Variants in ERBB4 observed in about 807,000 individuals in gnomAD.
The protein encoded by ERBB4 is receptor tyrosine-protein kinase erbB-4.
ERBB4 carries 42 observed loss-of-function variants against 158.0 expected under a neutral mutation model. The ratio of observed to expected loss-of-function variants is 0.27; its 90% CI spans 0.21 to 0.34. The LOEUF (loss-of-function observed/expected upper bound fraction) is 0.34, where lower values mean the gene tolerates loss of function less well. Ranked by LOEUF, ERBB4 falls within the 10% of genes least tolerant of loss-of-function variation. ERBB4 has a pLI of 1.00. For missense variants in ERBB4, 1,333 were observed against 1,624.1 expected, an observed-to-expected ratio of 0.82 and a Z score of 3.08; for synonymous variants, 583 against 558.7, an observed-to-expected ratio of 1.04 and a Z score of -0.61.
At chr2:211,784,095 A>C (rs2076100121) in intron 4 of ERBB4, among the ~76,000 whole-genome samples, 1 of 152,062 alleles carries the variant, frequency 6.6e-6, no homozygotes, top group African/African-American at 2.4e-5. Flanking sequence ...TTTATTCATA[A>C]TTACAGTTAA....
intron 20 of ERBB4, among the ~76,000 whole-genome samples, chr2:211,473,320 C>A (rs2064876734): frequency 1.3e-5 from 2 of 151,946 alleles, no homozygotes; most frequent in African/African-American, 2.4e-5. Flanking sequence ...AGAGTAGGTC[C>A]CTGCCAACAC....
At chr2:212,306,718 T>TC (rs974016534) in intron 1 of ERBB4, among the ~76,000 whole-genome samples, 6 of 149,914 alleles carry the variant, frequency 4.0e-5, no homozygotes, top group Non-Finnish European at 8.9e-5. Context: ...TGCCACTTAT[T>TC]TTTTTTTACT....
At chr2:212,282,548 T>C (rs2085799071) in intron 1 of ERBB4, among the ~76,000 whole-genome samples, 1 of 151,946 alleles carries the variant, frequency 6.6e-6, no homozygotes, top group African/African-American at 2.4e-5. Flanking sequence ...TTCATAAACA[T>C]TTCAAGGCCA....
intron 1 of ERBB4, among the ~76,000 whole-genome samples, chr2:212,153,623 A>C (rs572359484): frequency 6.6e-6 from 1 of 152,296 alleles, no homozygotes; most frequent in East Asian, 1.9e-4. Flanking sequence ...TTATTACAAA[A>C]GTAATTGCGT....
chr2:212,382,193 C>A (rs559163347), intron 1 of ERBB4, among the ~76,000 whole-genome samples: 134 of 147,270 alleles, frequency 9.1e-4, no homozygotes, highest in African/African-American at 2.9e-3. Flanking sequence ...CATATAAACA[C>A]ATATAAATAT....
At chr2:212,351,634 T>TA (rs908645703) in intron 1 of ERBB4, among the ~76,000 whole-genome samples, 2 of 152,146 alleles carry the variant, frequency 1.3e-5, no homozygotes, top group African/African-American at 4.8e-5. Flanking sequence ...TTAAATAAAA[T>TA]AAAAAAATCA....
chr2:211,943,379 A>C (rs1048042239), intron 3 of ERBB4, among the ~76,000 whole-genome samples: 14 of 152,126 alleles, frequency 9.2e-5, no homozygotes, highest in Non-Finnish European at 1.9e-4. Context: ...CATCCTCATC[A>C]AGAGTGATTA....
chr2:211,399,702 A>G lies in ERBB4; in HGVS notation c.3136-11710T>C, dbSNP rs74847423. On this transcript the variant is annotated intron_variant, in intron 25 of 27. Transcript: ENST00000342788. Reference sequence around the variant, plus strand: ...ATTCTGAATGCGATGAACATTTCACATTCAGCTATAAAACTTCAAGATTCT... The same window carrying G: ...ATTCTGAATGCGATGAACATTTCACGTTCAGCTATAAAACTTCAAGATTCT... Among the ~76,000 whole-genome samples the G allele has an allele frequency of 3.6e-3, 542 of 152,140 alleles. 4 individuals are homozygous for G. Among genetic ancestry groups the G allele is most frequent in the African/African-American group, 0.013 (525 of 41,550 alleles).
chr2:211,515,813 C>A (rs2066006647), intron 20 of ERBB4, among the ~76,000 whole-genome samples: 1 of 148,882 alleles, frequency 6.7e-6, no homozygotes, highest in African/African-American at 2.5e-5. Context: ...GAGGAAGAAG[C>A]CAGGCAGCTA....
intron 1 of ERBB4, among the ~76,000 whole-genome samples, chr2:212,353,682 T>C (rs2089350122): frequency 6.6e-6 from 1 of 152,044 alleles, no homozygotes; most frequent in Non-Finnish European, 1.5e-5. Context: ...CTCAAATACA[T>C]TTAGTAGTAC....
chr2:211,876,713 A>T (rs968188335), intron 3 of ERBB4, among the ~76,000 whole-genome samples: 2 of 152,148 alleles, frequency 1.3e-5, no homozygotes, highest in African/African-American at 4.8e-5. Flanking sequence ...GGCATGAGGG[A>T]ATCTTCTGCA....
intron 20 of ERBB4, among the ~76,000 whole-genome samples, chr2:211,510,742 A>G (rs2065865674): frequency 6.6e-6 from 1 of 152,002 alleles, no homozygotes; most frequent in East Asian, 1.9e-4. Context: ...ATATTGCTTC[A>G]ATGACTGTGC....
intron 3 of ERBB4, among the ~76,000 whole-genome samples, chr2:211,875,450 TGAA>T (rs1202721851): frequency 6.6e-6 from 1 of 152,156 alleles, no homozygotes; most frequent in Non-Finnish European, 1.5e-5. Flanking sequence ...GAGCAAATTT[TGAA>T]GAAGAAGAAA....
At chr2:212,276,665 C>T (rs567796233) in intron 1 of ERBB4, among the ~76,000 whole-genome samples, 2 of 151,766 alleles carry the variant, frequency 1.3e-5, no homozygotes, top group South Asian at 2.1e-4. Flanking sequence ...TCATCCAGGG[C>T]CAAAATGTGC....
At chr2:212,009,290 A>C (rs2076330032) in intron 2 of ERBB4, among the ~76,000 whole-genome samples, 1 of 151,996 alleles carries the variant, frequency 6.6e-6, no homozygotes, top group South Asian at 2.1e-4. Flanking sequence ...CCCTAAATCC[A>C]AAAACAGGTG....
At chr2:211,861,127 TA>T (rs2078028272) in intron 3 of ERBB4, among the ~76,000 whole-genome samples, 1 of 21,752 alleles carries the variant, frequency 4.6e-5, no homozygotes, top group African/African-American at 1.8e-4. Flanking sequence ...ATATATTTTA[TA>T]TATATATATA....
At chr2:211,700,567 T>G (rs1442856489) in intron 12 of ERBB4, among the ~76,000 whole-genome samples, 2 of 152,214 alleles carry the variant, frequency 1.3e-5, no homozygotes, top group African/African-American at 4.8e-5. Flanking sequence ...TTATGAAGAT[T>G]GGTAGACTGA....
intron 3 of ERBB4, among the ~76,000 whole-genome samples, chr2:211,834,694 G>A (rs1295804409): frequency 6.6e-6 from 1 of 152,150 alleles, no homozygotes; most frequent in East Asian, 1.9e-4. Context: ...TACAAGGCCT[G>A]GAAACAGTAA....
chr2:211,815,259 A>G (rs974188563), intron 3 of ERBB4, among the ~76,000 whole-genome samples: 8 of 152,226 alleles, frequency 5.3e-5, no homozygotes, highest in African/African-American at 1.9e-4. Flanking sequence ...GATTAGACAT[A>G]TAGTAAATTA....
Sources: allele counts gnomAD v4.1 joint callset (sites outside exome capture counted in the v4.1 genomes callset), GRCh38; gene constraint gnomAD v4.1.1; transcripts MANE v1.5; gene names NCBI Gene and HGNC (gene_info 2026-07-23, HGNC 2026-07-21).